RGS6: variants seen among roughly 807,000 people sequenced by gnomAD.
RGS6 encodes the protein regulator of G protein signaling 6, also known as regulator of G-protein signaling 6.
In RGS6, 30 loss-of-function variants were observed where a neutral mutation model predicts 78.5. The ratio of observed to expected loss-of-function variants is 0.38; its 90% CI spans 0.29 to 0.52. RGS6 has a LOEUF of 0.52. RGS6 is among the 20% of genes least tolerant of loss of function. The pLI is 0.85. For missense variants in RGS6, 495 were observed against 609.7 expected (o/e 0.81, Z 1.98); for synonymous variants, 206 against 206.0 (o/e 1.00, Z 0.00).
intron 2 of RGS6, among the ~76,000 whole-genome samples, chr14:72,012,930 T>C (rs2086088222): frequency 6.6e-6 from 1 of 152,178 alleles, no homozygotes; most frequent in Non-Finnish European, 1.5e-5. Context: ...TTATAAGGTA[T>C]TTCTCTTGTC....
At chr14:72,056,731 C>G (rs2093638409) in intron 2 of RGS6, among the ~76,000 whole-genome samples, 1 of 152,126 alleles carries the variant, frequency 6.6e-6, no homozygotes, top group Non-Finnish European at 1.5e-5. Flanking sequence ...GGCCTTTGGC[C>G]TATGTATTTT....
intron 3 of RGS6, among the ~76,000 whole-genome samples, chr14:72,390,573 T>G (rs1180798965): frequency 1.3e-5 from 2 of 151,788 alleles, no homozygotes; most frequent in African/African-American, 4.9e-5. Flanking sequence ...ATGAAAATTT[T>G]GGGATACTTT....
chr14:72,162,457 A>G (rs560741421), intron 2 of RGS6, among the ~76,000 whole-genome samples: 21 of 152,136 alleles, frequency 1.4e-4, no homozygotes, highest in Non-Finnish European at 4.4e-5. Context: ...GAGCTCTGAC[A>G]AGGATGATGG....
At chr14:72,547,122 A>G (rs1243713451) in intron 17 of RGS6, 2 of 1,519,190 alleles carry the variant, frequency 1.3e-6, no homozygotes, top group South Asian at 2.4e-5. Flanking sequence ...GGGAAGGCCG[A>G]CCACTCAGAA....
At chr14:72,503,335 C>T (rs977867037) in intron 13 of RGS6, among the ~76,000 whole-genome samples, 1 of 152,208 alleles carries the variant, frequency 6.6e-6, no homozygotes, top group Non-Finnish European at 1.5e-5. Context: ...TGTCATCTTG[C>T]ATGCAAAATA....
intron 2 of RGS6, among the ~76,000 whole-genome samples, chr14:72,051,262 G>A (rs1052384160): frequency 6.6e-6 from 1 of 152,082 alleles, no homozygotes; most frequent in African/African-American, 2.4e-5. Flanking sequence ...TTCTAGACAA[G>A]CACAAGCAAA....
intron 2 of RGS6, among the ~76,000 whole-genome samples, chr14:71,972,638 A>G (rs1206329477): frequency 6.6e-6 from 1 of 152,058 alleles, no homozygotes; most frequent in Non-Finnish European, 1.5e-5. Flanking sequence ...TGGGTGATCG[A>G]TGTGGAAGGG....
intron 6 of RGS6, 54 bp downstream of exon 6, chr14:72,459,737 G>T: frequency 6.3e-7 from 1 of 1,576,440 alleles, no homozygotes; most frequent in Non-Finnish European, 8.7e-7. Flanking sequence ...TGTCACTTCT[G>T]GGGGTGCAGA....
chr14:72,300,510 T>C (rs1488563826), intron 2 of RGS6, among the ~76,000 whole-genome samples: 1 of 152,150 alleles, frequency 6.6e-6, no homozygotes, highest in African/African-American at 2.4e-5. Context: ...AAGATATATT[T>C]GGGGGAATAT....
At position 72,518,342 on chromosome 14, in the gene RGS6, C is replaced by G. The variant is rs1239230834; in HGVS notation, c.1092-9C>G. Reference sequence around the variant, plus strand: ...CCTGGAACTGACTGTGTTTCTGCTCCCACTTCAGGTTCTGGCTGGCTGTCC... The same window carrying G: ...CCTGGAACTGACTGTGTTTCTGCTCGCACTTCAGGTTCTGGCTGGCTGTCC... On this transcript the variant is annotated splice_polypyrimidine_tract_variant and intron_variant, in intron 14 of 17. Transcript: ENST00000553525. 6.2e-7 allele frequency: 1 copy of G among 1,610,978 alleles called. No homozygotes were observed. The highest frequency in any genetic ancestry group is 1.3e-5 in the African/African-American group (1 of 74,832).
chr14:72,275,047 C>T (rs1255326039), intron 2 of RGS6, among the ~76,000 whole-genome samples: 1 of 152,152 alleles, frequency 6.6e-6, no homozygotes, highest in African/African-American at 2.4e-5. Flanking sequence ...CTGGTTCCAA[C>T]AAATGCCACA....
At chr14:72,579,648 A>G in the RGS6 span, among the ~76,000 whole-genome samples, 14 of 152,206 alleles carry the variant, frequency 9.2e-5, no homozygotes, top group Middle Eastern at 3.2e-3. Context: ...ATCCCTTAGA[A>G]CGCTGGCTGC....
At chr14:72,076,476 G>T (rs1215178015) in intron 2 of RGS6, among the ~76,000 whole-genome samples, 1 of 152,172 alleles carries the variant, frequency 6.6e-6, no homozygotes, top group Non-Finnish European at 1.5e-5. Flanking sequence ...TTTATCTCTA[G>T]AAGGAAGATT....
intron 2 of RGS6, 146 bp downstream of exon 2, chr14:71,965,021 T>A: frequency 1.9e-6 from 1 of 522,418 alleles, no homozygotes; most frequent in South Asian, 4.5e-5. Context: ...GTTCTCTAGT[T>A]CTAAAATTCA....
At chr14:72,063,648 TAAAG>T (rs1489008311) in intron 2 of RGS6, among the ~76,000 whole-genome samples, 2 of 152,168 alleles carry the variant, frequency 1.3e-5, no homozygotes, top group East Asian at 1.9e-4. Context: ...TTAGTAGAGA[TAAAG>T]AAATTGACAG....
At chr14:72,040,088 C>T (rs1285363050) in intron 2 of RGS6, among the ~76,000 whole-genome samples, 3 of 151,922 alleles carry the variant, frequency 2.0e-5, no homozygotes, top group Non-Finnish European at 4.4e-5. Flanking sequence ...ATTGCATATC[C>T]ATTTATAGAG....
the RGS6 span, among the ~76,000 whole-genome samples, chr14:72,575,862 T>C: frequency 8.9e-4 from 135 of 152,348 alleles, no homozygotes; most frequent in African/African-American, 3.2e-3. Flanking sequence ...CAAGCCAGCC[T>C]ATCTGAGCCC....
intron 2 of RGS6, among the ~76,000 whole-genome samples, chr14:72,094,706 T>C (rs1289887504): frequency 6.6e-6 from 1 of 152,180 alleles, no homozygotes; most frequent in Non-Finnish European, 1.5e-5. Context: ...TTTACAGACA[T>C]TTAGTTTTCT....
rs144766872 is a variant in RGS6 at position 71,986,674 on chromosome 14, G to A, written c.84+21799G>A. On this transcript the variant is annotated intron_variant, in intron 2 of 17. Coordinates refer to ENST00000553525, the MANE Select transcript of RGS6 (RefSeq NM_001204424.2). ...TGCAGTGAGCCATGATCGTGCCACC[G>A]CATTGCAACCTGGGTGACAGAGTGA... Among the ~76,000 whole-genome samples the A allele has an allele frequency of 4.6e-3, 699 of 152,248 alleles. 6 individuals carry two copies. The highest frequency in any genetic ancestry group is 0.016 in the African/African-American group (660 of 41,532).
Sources: gnomAD v4.1 joint callset for allele counts (sites outside exome capture counted in the v4.1 genomes callset) on GRCh38, gnomAD v4.1.1 for gene constraint, MANE v1.5 for transcripts, NCBI Gene and HGNC (gene_info 2026-07-23, HGNC 2026-07-21) for gene names.